Variants in AVL9 observed in about 807,000 individuals in gnomAD.
AVL9 encodes the protein late secretory pathway protein AVL9 homolog.
AVL9 carries 49 observed loss-of-function variants against 79.2 expected under a neutral mutation model. That is an observed-to-expected ratio of 0.62 (90% CI 0.49 to 0.79). The LOEUF is 0.79. Among genes scored for constraint, AVL9 ranks in the 30% least tolerant of loss-of-function variants. The pLI, the probability that AVL9 is intolerant of heterozygous loss-of-function variation, is 0.00. For missense variants in AVL9, 682 were observed against 776.8 expected, an observed-to-expected ratio of 0.88 and a Z score of 1.45; for synonymous variants, 299 against 280.6, an observed-to-expected ratio of 1.07 and a Z score of -0.65.
At chr7:32,511,345 T>C (rs1766259465) in intron 1 of AVL9, among the ~76,000 whole-genome samples, 1 of 150,888 alleles carries the variant, frequency 6.6e-6, no homozygotes, top group South Asian at 2.1e-4. Flanking sequence ...GAATCCACAG[T>C]CCTGGCACTT....
intron 12 of AVL9, 62 bp downstream of exon 12, chr7:32,573,480 T>G (rs1012649708): frequency 2.1e-6 from 3 of 1,447,790 alleles, no homozygotes; most frequent in Non-Finnish European, 2.9e-6. Flanking sequence ...TTTGTAACAT[T>G]TATGAGATTT....
chr7:32,570,986 T>A (rs1790813700), intron 11 of AVL9, among the ~76,000 whole-genome samples: 1 of 140,250 alleles, frequency 7.1e-6, no homozygotes. Flanking sequence ...TCCCAGCACT[T>A]GGGGAGGCCG....
Position 32,548,151 on chromosome 7 carries a change from C to CTTTTGTTTTCTTTTTGTTT in AVL9, c.301-692_301-691insGTTTTCTTTTTGTTTTTTT, listed in dbSNP as rs71559236. Among the ~76,000 whole-genome samples, 16 of 131,596 alleles carry CTTTTGTTTTCTTTTTGTTT rather than the reference C, an allele frequency of 1.2e-4. 4 individuals are homozygous for CTTTTGTTTTCTTTTTGTTT. Among genetic ancestry groups the CTTTTGTTTTCTTTTTGTTT allele is most frequent in the Non-Finnish European group, 1.4e-4 (9 of 63,410 alleles). The allele number at this position is 131,596 out of a possible 152,430, so 86.3% of individuals were successfully genotyped here. A position where few individuals can be genotyped will look rare whatever the true frequency, so the allele number is the denominator to read the frequency against. On this transcript the variant is annotated intron_variant, in intron 3 of 15. Coordinates refer to ENST00000318709, the MANE Select transcript of AVL9 (RefSeq NM_015060.3). ...TGTCTGTTTTTGTCATCTCTTTTTT[C>CTTTTGTTTTCTTTTTGTTT]TTTTTTTTTTTTTTGAGACGGAGTC...
At chr7:32,564,507 TA>T (rs1342964773) in intron 10 of AVL9, among the ~76,000 whole-genome samples, 1 of 152,218 alleles carries the variant, frequency 6.6e-6, no homozygotes, top group African/African-American at 2.4e-5. Flanking sequence ...GCCTGGGGAA[TA>T]TTGCTGAAGT....
At chr7:32,554,270 T>C (rs1009105145) in intron 7 of AVL9, among the ~76,000 whole-genome samples, 1 of 152,182 alleles carries the variant, frequency 6.6e-6, no homozygotes, top group African/African-American at 2.4e-5. Flanking sequence ...AGAAATAAAG[T>C]ATTTATTTAA....
intron 1 of AVL9, among the ~76,000 whole-genome samples, chr7:32,511,088 C>A (rs1345477458): frequency 6.9e-6 from 1 of 145,096 alleles, no homozygotes; most frequent in Non-Finnish European, 1.5e-5. Flanking sequence ...TTCTGAACTG[C>A]CCCAGTATGA....
intron 4 of AVL9, among the ~76,000 whole-genome samples, chr7:32,549,777 A>G (rs1001204760): frequency 2.5e-4 from 6 of 23,744 alleles, no homozygotes; most frequent in African/African-American, 6.5e-4. Context: ...AAAATTAGCC[A>G]GGCACGGTGG....
chr7:32,564,609 A>G (rs980039086), intron 10 of AVL9, among the ~76,000 whole-genome samples: 5 of 152,200 alleles, frequency 3.3e-5, no homozygotes, highest in Admixed American at 3.3e-4. Context: ...CCAACTTTCT[A>G]ATCCTCTCTC....
intron 7 of AVL9, 102 bp from the exon 8 acceptor site, chr7:32,554,456 G>T: frequency 1.7e-6 from 1 of 580,210 alleles, no homozygotes; most frequent in Non-Finnish European, 2.9e-6. Context: ...TTAAAGTGCT[G>T]TATTTAGTAT....
chr7:32,576,719 G>C (rs1347525117), intron 13 of AVL9, among the ~76,000 whole-genome samples: 3 of 152,128 alleles, frequency 2.0e-5, no homozygotes, highest in Non-Finnish European at 2.9e-5. Context: ...CCAGGAGGTA[G>C]AGGTTGCAGT....
chr7:32,551,515 T>A, intron 5 of AVL9, 92 bp downstream of exon 5: 1 of 591,012 alleles, frequency 1.7e-6, no homozygotes, highest in Non-Finnish European at 2.8e-6. Context: ...GGATAATTAT[T>A]ACCTTAAGAA....
chr7:32,563,837 C>T (rs1449764785), intron 10 of AVL9, among the ~76,000 whole-genome samples: 1 of 152,078 alleles, frequency 6.6e-6, no homozygotes, highest in Non-Finnish European at 1.5e-5. Context: ...CATCTTTGTT[C>T]ATTTTGTAAC....
intron 1 of AVL9, among the ~76,000 whole-genome samples, chr7:32,517,560 T>A (rs781199466): frequency 1.1e-3 from 171 of 152,218 alleles, no homozygotes; most frequent in Non-Finnish European, 1.7e-3. Context: ...CACCTCGGCC[T>A]CCCAAAGTGC....
intron 10 of AVL9, among the ~76,000 whole-genome samples, chr7:32,566,836 T>C (rs1583587264): frequency 6.6e-6 from 1 of 152,204 alleles, no homozygotes; most frequent in East Asian, 1.9e-4. Flanking sequence ...TGAACCGAGA[T>C]CGCGCCACTG....
chr7:32,503,369 TATATACACACACAC>T (rs1787252232), intron 1 of AVL9, among the ~76,000 whole-genome samples: 1 of 101,316 alleles, frequency 9.9e-6, no homozygotes, highest in Non-Finnish European at 1.9e-5. Context: ...GAGATATATA[TATATACACACACAC>T]ACACACACAC....
intron 1 of AVL9, among the ~76,000 whole-genome samples, chr7:32,523,804 G>A (rs1788284402): frequency 6.7e-6 from 1 of 150,238 alleles, no homozygotes; most frequent in Non-Finnish European, 1.5e-5. Context: ...CACGATCTCG[G>A]CTCACTGCAA....
chr7:32,526,048 C>G (rs1223629489), intron 1 of AVL9, among the ~76,000 whole-genome samples: 1 of 152,060 alleles, frequency 6.6e-6, no homozygotes. Flanking sequence ...AGATTGAAAC[C>G]TAGGTTACCA....
At chr7:32,502,422 A>G (rs1787182807) in intron 1 of AVL9, among the ~76,000 whole-genome samples, 1 of 149,858 alleles carries the variant, frequency 6.7e-6, no homozygotes, top group Non-Finnish European at 1.5e-5. Flanking sequence ...AAGAAAAGGT[A>G]TCAAACCATA....
intron 1 of AVL9, among the ~76,000 whole-genome samples, chr7:32,522,005 G>T (rs1156708831): frequency 6.6e-6 from 1 of 152,236 alleles, no homozygotes; most frequent in Non-Finnish European, 1.5e-5. Context: ...AGAAGTCAAA[G>T]AATTGAGGTT....
Sources: gnomAD v4.1 joint callset for allele counts (sites outside exome capture counted in the v4.1 genomes callset) on GRCh38, gnomAD v4.1.1 for gene constraint, MANE v1.5 for transcripts, NCBI Gene and HGNC (gene_info 2026-07-23, HGNC 2026-07-21) for gene names.